Variants in SLC35F4 observed in about 807,000 individuals in gnomAD.
The protein encoded by SLC35F4 is solute carrier family 35 member F4.
A neutral mutation model predicts 44.2 loss-of-function variants in SLC35F4; 24 were observed. That is an observed-to-expected ratio of 0.54 (90% CI 0.39 to 0.76). The LOEUF (loss-of-function observed/expected upper bound fraction) is 0.76, where lower values mean the gene tolerates loss of function less well. SLC35F4 is among the 30% of genes least tolerant of loss of function. SLC35F4 has a pLI of 0.00. For missense variants in SLC35F4, 562 were observed against 586.1 expected (o/e 0.96, Z 0.42); for synonymous variants, 238 against 223.6 (o/e 1.06, Z -0.57).
At chr14:57,607,348 T>G (rs544138376) in intron 1 of SLC35F4, among the ~76,000 whole-genome samples, 1 of 152,294 alleles carries the variant, frequency 6.6e-6, no homozygotes, top group South Asian at 2.1e-4. Flanking sequence ...GACAGCTGCT[T>G]AGGAAGCTCT....
In SLC35F4 at chr14:57,865,811, C is replaced by T; in HGVS notation, c.15G>A (p.Ala5=). The stretch of plus-strand genomic sequence containing the variant: ...CGATAGTGGCCACCCCGTTGGGGGC[C>T]GCCTTGACATCCATAGAGAGCGCGG... MDVK[A]APNGVATIED... The change falls in exon 1 of 8, where the codon GCG becomes GCA. Residue 5 remains alanine (A), a synonymous_variant. Coordinates refer to ENST00000556826, the MANE Select transcript of SLC35F4 (RefSeq NM_001306087.2). 6.6e-7 allele frequency: 1 copy of T among 1,518,854 alleles called. No homozygotes were observed. Among genetic ancestry groups the T allele is most frequent in the Middle Eastern group, 1.7e-4 (1 of 5,920 alleles). The allele number at this position is 1,518,854 out of a possible 1,614,324, so 94.1% of individuals were successfully genotyped here. A position where few individuals can be genotyped will look rare whatever the true frequency, so the allele number is the denominator to read the frequency against.
chr14:57,876,936 G>A (rs1341396733), intron 1 of SLC35F4, among the ~76,000 whole-genome samples: 3 of 152,084 alleles, frequency 2.0e-5, no homozygotes, highest in Non-Finnish European at 4.4e-5. Flanking sequence ...GATAGTTTCC[G>A]ATAGGTCTTT....
Position 57,564,145 on chromosome 14 carries a change from G to T in SLC35F4, c.1448C>A (p.Pro483Gln). ...AAAATATGTCCCTCTCTAAGCCAGT[G>T]GTATAGACACTGTCCCATTGGCTCT... is the stretch of plus-strand genomic sequence containing the variant. ...RGRANGTVSIPLA is the reference protein window; with the variant it reads ...RGRANGTVSIQLA Residue 483 changes from proline to glutamine, a missense_variant, in exon 8 of 8, where the codon CCA (proline) becomes CAA (glutamine). By Grantham distance (76) the Pro-to-Gln change is moderately conservative. Transcript: ENST00000556826. The T allele has an allele frequency of 6.2e-7, 1 of 1,613,666 alleles. No individual in the cohort carries two copies. Among genetic ancestry groups the T allele is most frequent in the Non-Finnish European group, 8.5e-7 (1 of 1,179,784 alleles).
At chr14:57,858,935 A>C (rs968383934) in intron 1 of SLC35F4, among the ~76,000 whole-genome samples, 8 of 143,156 alleles carry the variant, frequency 5.6e-5, no homozygotes, top group African/African-American at 2.0e-4. Flanking sequence ...CTGATCTCTA[A>C]AAAAAAAAAA....
chr14:57,608,375 G>A (rs929896419), intron 1 of SLC35F4, among the ~76,000 whole-genome samples: 11 of 152,094 alleles, frequency 7.2e-5, no homozygotes, highest in African/African-American at 2.4e-4. Flanking sequence ...GGGAAAACTT[G>A]GGCACACACA....
chr14:57,839,151 G>C (rs1204867130), intron 1 of SLC35F4, among the ~76,000 whole-genome samples: 2 of 152,122 alleles, frequency 1.3e-5, no homozygotes, highest in Non-Finnish European at 2.9e-5. Flanking sequence ...GAGTAGGAAA[G>C]TGAATTAGCT....
At chr14:57,632,143 AT>A (rs201353185) in intron 1 of SLC35F4, among the ~76,000 whole-genome samples, 13 of 148,978 alleles carry the variant, frequency 8.7e-5, no homozygotes, top group East Asian at 2.0e-4. Flanking sequence ...TGCAGGTTTA[AT>A]TTTTTTTTTT....
chr14:57,568,253 G>A (rs2068304286), intron 6 of SLC35F4, among the ~76,000 whole-genome samples: 1 of 151,450 alleles, frequency 6.6e-6, no homozygotes, highest in Non-Finnish European at 1.5e-5. Flanking sequence ...TGTTCAGCTA[G>A]CACAGGTGGC....
In SLC35F4 at chr14:57,755,644, T is replaced by C. The variant is rs534755917; in HGVS notation, c.103+110079A>G. 6.0e-4 allele frequency among the ~76,000 whole-genome samples: 91 copies of C among 152,332 alleles called. No homozygotes were observed. In the Middle Eastern group the frequency reaches 0.014, roughly 23 times the overall value. ...AAAAGAACACAAAGATAGGTGTAAG[T>C]CAAATCCACACATATAATCCCCAAG... is the stretch of plus-strand genomic sequence containing the variant. On this transcript the variant is annotated intron_variant, in intron 1 of 7. Coordinates refer to ENST00000556826, the MANE Select transcript of SLC35F4 (RefSeq NM_001306087.2).
chr14:57,982,801 G>A (rs1298001759), upstream of SLC35F4, among the ~76,000 whole-genome samples: 1 of 152,054 alleles, frequency 6.6e-6, no homozygotes, highest in African/African-American at 2.4e-5. Context: ...CTTGCTTCTG[G>A]AGGACACACT....
intron 4 of SLC35F4, among the ~76,000 whole-genome samples, chr14:57,577,223 C>G (rs4898938): frequency 0.19 from 29,018 of 152,056 alleles, 3,406 homozygotes; most frequent in Admixed American, 0.31. Context: ...TTCAGGGGCC[C>G]AATTTGAATT....
intron 1 of SLC35F4, among the ~76,000 whole-genome samples, chr14:57,774,063 A>T (rs2077430742): frequency 6.6e-6 from 1 of 152,186 alleles, no homozygotes; most frequent in Non-Finnish European, 1.5e-5. Context: ...AGACTTCTCC[A>T]GGGTTGCCTA....
chr14:57,792,633 T>C (rs1304336029), intron 1 of SLC35F4, among the ~76,000 whole-genome samples: 1 of 152,154 alleles, frequency 6.6e-6, no homozygotes, highest in Non-Finnish European at 1.5e-5. Flanking sequence ...GGCAACAACC[T>C]GGATGGTGTT....
intron 1 of SLC35F4, among the ~76,000 whole-genome samples, chr14:57,618,704 T>C (rs967049764): frequency 1.3e-5 from 2 of 152,096 alleles, no homozygotes; most frequent in Non-Finnish European, 2.9e-5. Context: ...CTCACTCCCC[T>C]GGAAAGGGGG....
intron 1 of SLC35F4, among the ~76,000 whole-genome samples, chr14:57,708,196 G>A (rs1243217126): frequency 6.6e-6 from 1 of 152,152 alleles, no homozygotes; most frequent in African/African-American, 2.4e-5. Flanking sequence ...CCACACCAGT[G>A]ATCTGGCTCA....
intron 1 of SLC35F4, among the ~76,000 whole-genome samples, chr14:57,853,870 A>G (rs1886825071): frequency 1.3e-5 from 2 of 151,832 alleles, no homozygotes; most frequent in South Asian, 4.2e-4. Flanking sequence ...CCCATGAGAG[A>G]CTCCCCGGTG....
At chr14:57,628,596 CT>C (rs754583523) in intron 1 of SLC35F4, among the ~76,000 whole-genome samples, 3 of 150,290 alleles carry the variant, frequency 2.0e-5, no homozygotes. Context: ...TGGTTTCCAG[CT>C]TCATCCATGT....
chr14:57,672,709 A>G (rs2074558385), intron 1 of SLC35F4, among the ~76,000 whole-genome samples: 2 of 152,128 alleles, frequency 1.3e-5, no homozygotes, highest in Admixed American at 1.3e-4. Context: ...AGAGAAAAAA[A>G]TTCATGAATA....
At chr14:57,966,261 A>C (rs1890435457) in intron 1 of SLC35F4, among the ~76,000 whole-genome samples, 1 of 152,226 alleles carries the variant, frequency 6.6e-6, no homozygotes, top group African/African-American at 2.4e-5. Flanking sequence ...AAATATTTTT[A>C]ACAGCATAAC....
Sources: allele counts gnomAD v4.1 joint callset (sites outside exome capture counted in the v4.1 genomes callset), GRCh38; gene constraint gnomAD v4.1.1; transcripts MANE v1.5; gene names NCBI Gene and HGNC (gene_info 2026-07-23, HGNC 2026-07-21).